NAA20: variants seen among roughly 807,000 people sequenced by gnomAD.
NAA20 encodes N-alpha-acetyltransferase 20, NatB catalytic subunit, also known as N-alpha-acetyltransferase 20.
In NAA20, 24 loss-of-function variants were observed where a neutral mutation model predicts 23.8. The ratio of observed to expected loss-of-function variants is 1.01; its 90% CI spans 0.73 to 1.42. NAA20 has a LOEUF of 1.42. NAA20 is among the 40% of genes most tolerant of loss of function. The pLI is 0.00. For missense variants in NAA20, 166 were observed against 223.1 expected, an observed-to-expected ratio of 0.74 and a Z score of 1.63; for synonymous variants, 83 against 77.7, an observed-to-expected ratio of 1.07 and a Z score of -0.36.
chr20:20,020,848 G>A (rs145983623), intron 1 of NAA20, among the ~76,000 whole-genome samples: 5 of 152,140 alleles, frequency 3.3e-5, no homozygotes, highest in Admixed American at 1.3e-4. Flanking sequence ...GGAGCTGATG[G>A]CTCAGTGCAC....
rs2043363858 is a variant in NAA20, at chr20:20,033,488, G to T, written c.*301G>T. 1 of 253,844 alleles carries T rather than the reference G, an allele frequency of 3.9e-6. No homozygotes were observed. The highest frequency in any genetic ancestry group is 2.2e-5 in the African/African-American group (1 of 45,376). 15.7% of individuals were successfully genotyped at this position (253,844 alleles called of 1,614,324 possible). ...TATGCTAGGGAAAAGACTTGCTCCAGTCTCCTCCTCAGTTCTGTGCCTGAG... is the reference window on the plus strand; with the variant it reads ...TATGCTAGGGAAAAGACTTGCTCCATTCTCCTCCTCAGTTCTGTGCCTGAG... On this transcript the variant is annotated 3_prime_UTR_variant, in exon 6 of 6. Coordinates refer to ENST00000334982, the MANE Select transcript of NAA20 (RefSeq NM_016100.5).
chr20:20,031,393 A>ACCTC (rs2043342778), intron 4 of NAA20, among the ~76,000 whole-genome samples: 1 of 152,186 alleles, frequency 6.6e-6, no homozygotes, highest in Non-Finnish European at 1.5e-5. Flanking sequence ...GGGAAAAAAA[A>ACCTC]ATTTCCCAGA....
chr20:20,017,843 T>G (rs2043242179), intron 1 of NAA20: 2 of 1,524,806 alleles, frequency 1.3e-6, no homozygotes, highest in Non-Finnish European at 1.8e-6. Flanking sequence ...TGCTGGTTCG[T>G]GGCCGGGCCG....
chr20:20,017,874 C>A, intron 1 of NAA20: 2 of 1,578,256 alleles, frequency 1.3e-6, no homozygotes, highest in Admixed American at 1.7e-5. Context: ...GGGCAGAGGG[C>A]ACCGCCGACG....
chr20:20,028,171 G>C (rs1411101727), intron 4 of NAA20, among the ~76,000 whole-genome samples: 7 of 151,984 alleles, frequency 4.6e-5, no homozygotes, highest in Non-Finnish European at 8.8e-5. Context: ...AAACAAAGAA[G>C]GGAAGAAAAT....
In NAA20 at chr20:20,022,475, G is replaced by T; in HGVS notation, c.73G>T (p.Glu25Ter). The T allele has an allele frequency of 6.4e-7, 1 of 1,574,110 alleles. No individual in the cohort carries two copies. The change falls in exon 2 of 6, where the codon GAA becomes TAA. Residue 25 changes from glutamate (E) to a stop codon, truncating the protein, a stop_gained. Coordinates refer to ENST00000334982, the MANE Select transcript of NAA20 (RefSeq NM_016100.5). LOFTEE classifies it high-confidence loss of function. ...TTTCAGTAACTTGGATCCACTTACA[G>T]AAACTGTATCCTTTTTTACAAAAAA... is the stretch of plus-strand genomic sequence containing the variant. ...FNNINLDPLT[E>*]TYGIPFYLQY...
chr20:20,029,150 T>A (rs1322228157), intron 4 of NAA20, among the ~76,000 whole-genome samples: 3 of 152,218 alleles, frequency 2.0e-5, no homozygotes, highest in Non-Finnish European at 4.4e-5. Context: ...ACAGGAAATA[T>A]GTGTAAAATA....
intron 2 of NAA20, 86 bp downstream of exon 2, chr20:20,022,566 C>A: frequency 8.1e-7 from 1 of 1,239,740 alleles, no homozygotes; most frequent in Non-Finnish European, 1.1e-6. Flanking sequence ...CAGAGGAGTA[C>A]TGAAAAGTTT....
Position 20,018,221 on chromosome 20 carries a change from A to C in NAA20, c.53+772A>C, listed in dbSNP as rs765164903. 6.1e-4 allele frequency: 444 copies of C among 726,186 alleles called. 2 individuals carry two copies. The highest frequency in any genetic ancestry group is 8.7e-4 in the Non-Finnish European group (386 of 444,478). 45.0% of individuals were successfully genotyped at this position (726,186 alleles called of 1,614,324 possible). ...TGCAGGTACCAATTTTTTTTTTTTA[A>C]GAAAACATTTTATTATGAAGATTCC... On this transcript the variant is annotated intron_variant, in intron 1 of 5. Coordinates refer to ENST00000334982, the MANE Select transcript of NAA20 (RefSeq NM_016100.5).
chr20:20,026,692 C>G, intron 3 of NAA20, 92 bp from the exon 4 acceptor site: 1 of 1,519,246 alleles, frequency 6.6e-7, no homozygotes, highest in South Asian at 1.2e-5. Flanking sequence ...TTATTAGTTT[C>G]CTTTGTAATA....
At chr20:20,023,800 A>G (rs1159944578) in intron 2 of NAA20, among the ~76,000 whole-genome samples, 1 of 152,250 alleles carries the variant, frequency 6.6e-6, no homozygotes, top group African/African-American at 2.4e-5. Flanking sequence ...TTAAAAAATG[A>G]TAAACCTCAG....
At chr20:20,026,304 C>CAAA (rs931325286) in intron 3 of NAA20, among the ~76,000 whole-genome samples, 8 of 120,758 alleles carry the variant, frequency 6.6e-5, no homozygotes, top group Non-Finnish European at 1.1e-4. Flanking sequence ...GACTCTGTCT[C>CAAA]AAAAAAAAAA....
chr20:20,024,309 A>T (rs561195717), intron 2 of NAA20, among the ~76,000 whole-genome samples: 1 of 152,358 alleles, frequency 6.6e-6, no homozygotes, highest in South Asian at 2.1e-4. Flanking sequence ...GAAATGACCC[A>T]GGTGTCCATT....
chr20:20,017,857 C>T (rs1419042342), intron 1 of NAA20: 1 of 1,552,640 alleles, frequency 6.4e-7, no homozygotes, highest in African/African-American at 1.3e-5. Context: ...CGGGCCGCGC[C>T]TCTTCTGGGC....
intron 2 of NAA20, among the ~76,000 whole-genome samples, chr20:20,024,618 G>A (rs2043294850): frequency 6.6e-6 from 1 of 152,190 alleles, no homozygotes; most frequent in Non-Finnish European, 1.5e-5. Context: ...AATTTGCAGT[G>A]AAAGTCCCAT....
chr20:20,020,654 AT>A (rs1327868510), intron 1 of NAA20, among the ~76,000 whole-genome samples: 11 of 152,246 alleles, frequency 7.2e-5, no homozygotes, highest in South Asian at 2.1e-4. Context: ...AAAGATGGAA[AT>A]TTGGGGGTCA....
At chr20:20,022,585 G>T in intron 2 of NAA20, 105 bp downstream of exon 2, 1 of 996,238 alleles carries the variant, frequency 1.0e-6, no homozygotes, top group Admixed American at 3.1e-5. Context: ...TTAAAAACTT[G>T]TAGGTCAGGA....
intron 4 of NAA20, among the ~76,000 whole-genome samples, chr20:20,029,603 C>A (rs1056764732): frequency 5.4e-5 from 7 of 130,564 alleles, no homozygotes; most frequent in Non-Finnish European, 1.1e-4. Context: ...TGCAACAGAG[C>A]GAGACTCCAT....
rs1280872990 is a variant in NAA20 at position 20,033,006 on chromosome 20, T to C, written c.452-96T>C. On this transcript the variant is annotated intron_variant, in intron 5 of 5. Coordinates refer to ENST00000334982, the MANE Select transcript of NAA20 (RefSeq NM_016100.5). ...TGCTTAGAATATGGTGAAGTGGGGG[T>C]AGGGATAAAACCTCTTATGGGAACT... 7 of 948,822 alleles carry C rather than the reference T, an allele frequency of 7.4e-6. No homozygotes were observed. The Admixed American group carries it at 1.3e-4, about 17-fold the overall frequency. 58.8% of individuals were successfully genotyped at this position (948,822 alleles called of 1,614,324 possible). A position where few individuals can be genotyped will look rare whatever the true frequency, so the allele number is the denominator to read the frequency against.
Sources: gnomAD v4.1 joint callset for allele counts (sites outside exome capture counted in the v4.1 genomes callset) on GRCh38, gnomAD v4.1.1 for gene constraint, MANE v1.5 for transcripts, NCBI Gene and HGNC (gene_info 2026-07-23, HGNC 2026-07-21) for gene names.